Variants in CSMD1 observed in about 807,000 individuals in gnomAD.
The protein encoded by CSMD1 is CUB and sushi domain-containing protein 1.
A neutral mutation model predicts 417.5 loss-of-function variants in CSMD1; 213 were observed. The ratio of observed to expected loss-of-function variants is 0.51; its 90% CI spans 0.46 to 0.57. CSMD1 has a LOEUF of 0.57. CSMD1 is among the 20% of genes least tolerant of loss of function. The pLI is 0.00. For missense variants in CSMD1, 6,923 were observed against 4,529.7 expected, an observed-to-expected ratio of 1.53 and a Z score of -15.17; for synonymous variants, 2,862 against 1,736.8, an observed-to-expected ratio of 1.65 and a Z score of -16.11.
chr8:4,405,231 C>G (rs1024018626), intron 3 of CSMD1, among the ~76,000 whole-genome samples: 3 of 152,064 alleles, frequency 2.0e-5, no homozygotes, highest in African/African-American at 7.2e-5. Flanking sequence ...GGTTTTGCAT[C>G]AATGGAAATG....
rs117250587 is a variant in CSMD1, at chr8:4,018,819, G to A, written c.610+13086C>T. ...AAATTCTGCCTTCCCCACATACAGC[G>A]TGGGACCTTGGTGAAGTCACTGAAT... On this transcript the variant is annotated intron_variant, in intron 4 of 69. Transcript: ENST00000635120. Among the ~76,000 whole-genome samples, 385 of 152,274 alleles carry A rather than the reference G, an allele frequency of 2.5e-3. 13 individuals are homozygous for A. In the East Asian group the frequency reaches 0.061, roughly 24 times the overall value.
chr8:2,963,466 C>T, intron 59 of CSMD1, 71 bp from the exon 60 acceptor site: 2 of 1,478,826 alleles, frequency 1.4e-6, no homozygotes, highest in African/African-American at 1.4e-5. Context: ...AAACGATTCC[C>T]ATTTTAATTT....
intron 1 of CSMD1, among the ~76,000 whole-genome samples, chr8:4,791,905 C>T (rs527863867): frequency 2.0e-5 from 3 of 151,410 alleles, no homozygotes; most frequent in East Asian, 3.9e-4. Flanking sequence ...TCATCTTATT[C>T]GAAAAGGTAG....
intron 5 of CSMD1, among the ~76,000 whole-genome samples, chr8:3,799,226 C>G (rs895930596): frequency 6.6e-6 from 1 of 151,712 alleles, no homozygotes; most frequent in Admixed American, 6.6e-5. Flanking sequence ...ACAACTGATT[C>G]TACAGTTTTT....
intron 10 of CSMD1, among the ~76,000 whole-genome samples, chr8:3,537,462 A>T (rs1001914709): frequency 1.3e-5 from 2 of 152,252 alleles, no homozygotes; most frequent in African/African-American, 4.8e-5. Flanking sequence ...TTGTAACATA[A>T]TAAAATATGT....
In CSMD1 at chr8:3,276,608, C is replaced by A. The variant is rs142957991; in HGVS notation, c.4153+7536G>T. Among the ~76,000 whole-genome samples, 461 of 152,198 alleles carry A rather than the reference C, an allele frequency of 3.0e-3. 3 individuals carry two copies. Among genetic ancestry groups the A allele is most frequent in the African/African-American group, 0.01 (436 of 41,530 alleles). On this transcript the variant is annotated intron_variant, in intron 26 of 69. Coordinates refer to ENST00000635120, the MANE Select transcript of CSMD1 (RefSeq NM_033225.6). ...CCATGATACGTGGGAATTGTGGGAG[C>A]TACAATTCAAGATAAGTTTTGGGTG...
At chr8:4,102,638 A>C (rs1179603727) in intron 3 of CSMD1, among the ~76,000 whole-genome samples, 1 of 152,162 alleles carries the variant, frequency 6.6e-6, no homozygotes, top group Non-Finnish European at 1.5e-5. Context: ...TGGCCTTTTA[A>C]ATGTTTTTTG....
intron 7 of CSMD1, among the ~76,000 whole-genome samples, chr8:3,668,293 G>T (rs41491246): frequency 6.6e-5 from 10 of 152,166 alleles, no homozygotes; most frequent in Non-Finnish European, 1.3e-4. Flanking sequence ...TGTAAAGGAA[G>T]ATATGAAGTG....
At chr8:4,737,899 T>A (rs2116988647) in intron 1 of CSMD1, among the ~76,000 whole-genome samples, 1 of 152,292 alleles carries the variant, frequency 6.6e-6, no homozygotes, top group East Asian at 1.9e-4. Context: ...ATAAGGAAAT[T>A]GATAGCAAAA....
intron 33 of CSMD1, among the ~76,000 whole-genome samples, chr8:3,193,196 G>T (rs887711469): frequency 6.6e-6 from 1 of 152,126 alleles, no homozygotes; most frequent in East Asian, 1.9e-4. Context: ...ATCTTTCCAA[G>T]TTCCCAAAAT....
chr8:4,152,513 A>G (rs1796620956), intron 3 of CSMD1, among the ~76,000 whole-genome samples: 1 of 131,926 alleles, frequency 7.6e-6, no homozygotes, highest in African/African-American at 3.0e-5. Context: ...CCCTGTCTCT[A>G]CAGAGAGTAC....
At chr8:3,445,504 C>G (rs7005470) in intron 12 of CSMD1, among the ~76,000 whole-genome samples, 3 of 151,958 alleles carry the variant, frequency 2.0e-5, no homozygotes, top group Non-Finnish European at 1.5e-5. Context: ...GCCTCTATAG[C>G]TGCAATGTGC....
At chr8:4,234,042 C>A (rs1023081852) in intron 3 of CSMD1, among the ~76,000 whole-genome samples, 4 of 152,022 alleles carry the variant, frequency 2.6e-5, no homozygotes, top group African/African-American at 9.7e-5. Flanking sequence ...CTACCATCAG[C>A]CAGTGAAACA....
At chr8:4,540,967 G>C (rs776669264) in intron 2 of CSMD1, among the ~76,000 whole-genome samples, 1 of 152,160 alleles carries the variant, frequency 6.6e-6, no homozygotes, top group African/African-American at 2.4e-5. Flanking sequence ...AGGGTTAATA[G>C]CACAGGTAAA....
intron 4 of CSMD1, among the ~76,000 whole-genome samples, chr8:4,013,237 T>A (rs989347724): frequency 1.3e-5 from 2 of 152,098 alleles, no homozygotes; most frequent in African/African-American, 4.8e-5. Flanking sequence ...CCCTCTCCTA[T>A]CCTCTGACTG....
intron 3 of CSMD1, among the ~76,000 whole-genome samples, chr8:4,191,184 C>T (rs1162656248): frequency 6.6e-6 from 1 of 152,158 alleles, no homozygotes; most frequent in Non-Finnish European, 1.5e-5. Flanking sequence ...ATCACGACGT[C>T]AGGAGATTGA....
intron 3 of CSMD1, among the ~76,000 whole-genome samples, chr8:4,264,751 A>G (rs1313199663): frequency 6.6e-6 from 1 of 152,154 alleles, no homozygotes; most frequent in African/African-American, 2.4e-5. Context: ...CCTCAGTAAC[A>G]TCTAGAACGT....
At position 3,341,672 on chromosome 8, in the gene CSMD1, G is replaced by A. The variant is rs75388563; in HGVS notation, c.3631+1622C>T. Among the ~76,000 whole-genome samples, 894 of 152,280 alleles carry A rather than the reference G, an allele frequency of 5.9e-3. 24 individuals carry two copies. In the East Asian group the frequency reaches 0.074, roughly 13 times the overall value. ...CTCTTTGCCCAGGGAGCCATAGCAG[G>A]GGCAGGATTTGTAAGAAAAAGCAAC... On this transcript the variant is annotated intron_variant, in intron 23 of 69. Coordinates refer to ENST00000635120, the MANE Select transcript of CSMD1 (RefSeq NM_033225.6).
chr8:4,912,135 A>AAAAAAAAAAAAAG (rs765904838), intron 1 of CSMD1, among the ~76,000 whole-genome samples: 6,240 of 113,800 alleles, frequency 0.055, 237 homozygotes, highest in Non-Finnish European at 0.08. Context: ...AAAAAAAAAA[A>AAAAAAAAAAAAAG]AAAAAAGAAA....
Sources: allele counts gnomAD v4.1 joint callset (sites outside exome capture counted in the v4.1 genomes callset), GRCh38; gene constraint gnomAD v4.1.1; transcripts MANE v1.5; gene names NCBI Gene and HGNC (gene_info 2026-07-23, HGNC 2026-07-21).